The following CRAMP1 variants were observed in gnomAD, a reference collection of about 807,000 sequenced individuals.
CRAMP1 encodes the protein cramped chromatin regulator 1, also known as protein cramped-like.
A neutral mutation model predicts 115.4 loss-of-function variants in CRAMP1; 50 were observed. The ratio of observed to expected loss-of-function variants is 0.43; its 90% CI spans 0.35 to 0.55. The LOEUF is 0.55. CRAMP1 is among the 20% of genes least tolerant of loss of function. CRAMP1 has a pLI of 0.01. For missense variants in CRAMP1, 1,679 were observed against 1,721.7 expected (o/e 0.98, Z 0.44); for synonymous variants, 866 against 745.4 (o/e 1.16, Z -2.64).
intron 2 of CRAMP1, among the ~76,000 whole-genome samples, chr16:1,621,571 G>T (rs554921249): frequency 6.6e-6 from 1 of 152,204 alleles, no homozygotes. Flanking sequence ...GCAGCCTGGG[G>T]TGTGCTGTCT....
chr16:1,666,469 C>T lies in CRAMP1; in HGVS notation c.2905C>T (p.Pro969Ser), dbSNP rs752700402. The T allele has an allele frequency of 1.9e-6, 3 of 1,613,770 alleles. No individual in the cohort carries two copies. The African/African-American group carries it at 4.0e-5, about 22-fold the overall frequency. ...ATSAGILSGNPLPALDTEGLS... is the reference protein window; with the variant it reads ...ATSAGILSGNSLPALDTEGLS... ...AAGTGCCGGCATCCTTTCCGGGAAC[C>T]CCCTCCCTGCCTTGGACACCGAGGG... Residue 969 changes from proline to serine, a missense_variant, in exon 16 of 21, where the codon CCC (proline) becomes TCC (serine). By Grantham distance (74) the Pro-to-Ser change is moderately conservative. Transcript: ENST00000397412. This position sits in a 1 kb window ranked among gnomAD's most constrained non-coding sequence, Gnocchi z 5.0.
At chr16:1,662,183 C>T (rs548718253) in intron 11 of CRAMP1, among the ~76,000 whole-genome samples, 4 of 152,322 alleles carry the variant, frequency 2.6e-5, no homozygotes, top group Admixed American at 6.5e-5. Context: ...ACACTGAAGG[C>T]TCTTCTAGCC....
chr16:1,673,782 G>C (rs1365732364), intron 20 of CRAMP1, 99 bp from the exon 21 acceptor site: 2 of 1,093,458 alleles, frequency 1.8e-6, no homozygotes, highest in African/African-American at 3.1e-5. Flanking sequence ...TCCTGCAGCG[G>C]GAGTCGATAG....
intron 2 of CRAMP1, among the ~76,000 whole-genome samples, chr16:1,616,508 C>G (rs75201530): frequency 1.3e-5 from 2 of 152,164 alleles, no homozygotes. Flanking sequence ...CAGACGTGTA[C>G]GTGGCTACTT....
At chr16:1,634,813 T>A (rs141383220) in intron 4 of CRAMP1, among the ~76,000 whole-genome samples, 1 of 152,364 alleles carries the variant, frequency 6.6e-6, no homozygotes, top group African/African-American at 2.4e-5. Context: ...CACTGCGAAG[T>A]GACTGGCCCC....
chr16:1,613,471 A>G (rs1330758488), intron 1 of CRAMP1, among the ~76,000 whole-genome samples: 1 of 152,110 alleles, frequency 6.6e-6, no homozygotes, highest in Non-Finnish European at 1.5e-5. Flanking sequence ...CCCCGTTCTC[A>G]ACAGTTGAGT....
intron 6 of CRAMP1, among the ~76,000 whole-genome samples, chr16:1,642,552 G>C (rs1264307084): frequency 3.9e-5 from 6 of 152,176 alleles, no homozygotes; most frequent in Non-Finnish European, 8.8e-5. Flanking sequence ...GCCCCTCCCA[G>C]CTTCAGAGCC....
chr16:1,647,999 G>A (rs986745200), intron 6 of CRAMP1, among the ~76,000 whole-genome samples: 10 of 152,046 alleles, frequency 6.6e-5, no homozygotes, highest in Admixed American at 5.9e-4. Context: ...GCTTTTCATC[G>A]TGTTCAGTGT....
At chr16:1,649,027 C>G (rs1002133460) in intron 6 of CRAMP1, among the ~76,000 whole-genome samples, 2 of 151,650 alleles carry the variant, frequency 1.3e-5, no homozygotes, top group African/African-American at 4.9e-5. Context: ...CCACTGCAGT[C>G]CAGCCTGGGC....
In CRAMP1 at chr16:1,669,299, T is replaced by A; in HGVS notation, c.3499+134T>A. The A allele has an allele frequency of 1.4e-6, 1 of 690,916 alleles. No individual in the cohort carries two copies. The highest frequency in any genetic ancestry group is 2.4e-5 in the South Asian group (1 of 41,840). The allele number at this position is 690,916 out of a possible 1,614,324, so 42.8% of individuals were successfully genotyped here. A position where few individuals can be genotyped will look rare whatever the true frequency, so the allele number is the denominator to read the frequency against. ...TGTTCGCTTCTCAAGTGTTTGTATTTTTCTGAGTTAATATTTTTGGGTGTA... is the reference window on the plus strand; with the variant it reads ...TGTTCGCTTCTCAAGTGTTTGTATTATTCTGAGTTAATATTTTTGGGTGTA... On this transcript the variant is annotated intron_variant, in intron 19 of 20. Transcript: ENST00000397412. This position sits in a 1 kb window ranked among gnomAD's most constrained non-coding sequence, Gnocchi z 4.6.
Position 1,666,597 on chromosome 16 carries a change from G to T in CRAMP1, c.3033G>T (p.Val1011=), listed in dbSNP as rs200042492. ...AGGATGGAGACACCCTCCCCACCGTGGGGGTGAGTATGTTTAGAAGGGCTT... is the reference window on the plus strand; with the variant it reads ...AGGATGGAGACACCCTCCCCACCGTTGGGGTGAGTATGTTTAGAAGGGCTT... The part of the protein sequence containing the change: ...THQDGDTLPT[V]GGSDPFVSIP... Residue 1011 remains valine (V), a synonymous_variant, in exon 16 of 21, where the codon GTG becomes GTT. Transcript: ENST00000397412. The surrounding 1 kb of genome is among the most constrained non-coding windows in gnomAD (Gnocchi z 5.0). 1.2e-6 allele frequency: 2 copies of T among 1,613,696 alleles called. No individual in the cohort carries two copies. Among genetic ancestry groups the T allele is most frequent in the Non-Finnish European group, 1.7e-6 (2 of 1,179,680 alleles).
chr16:1,677,254 C>CT lies in CRAMP1; in HGVS notation c.*3210dup, dbSNP rs1280553248. On this transcript the variant is annotated 3_prime_UTR_variant, in exon 21 of 21. Coordinates refer to ENST00000397412, the MANE Select transcript of CRAMP1 (RefSeq NM_020825.4). ...GGTGGGGAGTATGAGACCACCCTGACTAACATGGAGAGACCCTGTCTCTAC... is the reference window on the plus strand; with the variant it reads ...GGTGGGGAGTATGAGACCACCCTGACTTAACATGGAGAGACCCTGTCTCTAC... 6.6e-6 allele frequency: 1 copy of CT among 152,232 alleles called. No individual in the cohort carries two copies. Among genetic ancestry groups the CT allele is most frequent in the Non-Finnish European group, 1.5e-5 (1 of 68,048 alleles). The allele number at this position is 152,232 out of a possible 1,614,324, so 9.4% of individuals were successfully genotyped here.
intron 6 of CRAMP1, among the ~76,000 whole-genome samples, chr16:1,649,707 T>G (rs576253913): frequency 9.0e-4 from 136 of 151,662 alleles, no homozygotes; most frequent in Non-Finnish European, 1.5e-3. Context: ...ACCAGGATGG[T>G]CTCGAGCTCC....
In CRAMP1 at chr16:1,663,711, C is replaced by G. The variant is rs1456430392; in HGVS notation, c.2670+876C>G. 2.6e-5 allele frequency among the ~76,000 whole-genome samples: 4 copies of G among 152,312 alleles called. No homozygotes were observed. The East Asian group carries it at 7.7e-4, about 29-fold the overall frequency. ...GTTACCACCCAGAAAGGAAACCCTGCTCCTATGAACTCACGTTGCCTTCTC... is the reference window on the plus strand; with the variant it reads ...GTTACCACCCAGAAAGGAAACCCTGGTCCTATGAACTCACGTTGCCTTCTC... On this transcript the variant is annotated intron_variant, in intron 13 of 20. Transcript: ENST00000397412.
intron 2 of CRAMP1, 96 bp from the exon 3 acceptor site, chr16:1,625,877 C>A: frequency 1.6e-6 from 2 of 1,254,568 alleles, no homozygotes; most frequent in East Asian, 2.6e-5. Context: ...GGAGTGGGAC[C>A]TCAGGGCAGT....
chr16:1,641,902 G>T (rs914647639), intron 6 of CRAMP1, among the ~76,000 whole-genome samples: 1 of 139,600 alleles, frequency 7.2e-6, no homozygotes, highest in Non-Finnish European at 1.5e-5. Context: ...TCTGGAGCCT[G>T]GGGGGGGGTC....
intron 2 of CRAMP1, chr16:1,625,760 A>C (rs956016623): frequency 2.4e-5 from 12 of 497,910 alleles, no homozygotes; most frequent in African/African-American, 2.4e-4. Context: ...AACTGTAAAA[A>C]CATTTGAGGG....
At chr16:1,650,684 G>A (rs1206694367) in intron 6 of CRAMP1, among the ~76,000 whole-genome samples, 1 of 152,130 alleles carries the variant, frequency 6.6e-6, no homozygotes, top group Non-Finnish European at 1.5e-5. Context: ...TTAGAATCAC[G>A]CTCTGTTCTG....
chr16:1,660,903 G>C (rs2036823338), intron 11 of CRAMP1, among the ~76,000 whole-genome samples: 1 of 152,178 alleles, frequency 6.6e-6, no homozygotes, highest in Non-Finnish European at 1.5e-5. Flanking sequence ...CAGCTACTCC[G>C]AAGGCTGAGG....
Sources: gnomAD v4.1 joint callset for allele counts (sites outside exome capture counted in the v4.1 genomes callset) on GRCh38, gnomAD v4.1.1 for gene constraint, Gnocchi (gnomAD v3.1) non-coding constraint, MANE v1.5 for transcripts, NCBI Gene and HGNC (gene_info 2026-07-23, HGNC 2026-07-21) for gene names.